MLLT11: variants seen among roughly 807,000 people sequenced by gnomAD.
MLLT11 encodes protein AF1q.
Under a neutral mutation model 5.3 loss-of-function variants are expected in MLLT11, and 1 was observed. The ratio of observed to expected loss-of-function variants is 0.19; its 90% CI spans 0.07 to 0.89. The LOEUF (loss-of-function observed/expected upper bound fraction) is 0.89, where lower values mean the gene tolerates loss of function less well. MLLT11 is among the 40% of genes least tolerant of loss of function. The probability of loss-of-function intolerance (pLI) is 0.67; values close to 1 mark genes in which losing one functional copy is unlikely to be tolerated. For synonymous variants in MLLT11, 38 were observed against 41.7 expected, an observed-to-expected ratio of 0.91 and a Z score of 0.34; for missense variants, 87 against 107.3, an observed-to-expected ratio of 0.81 and a Z score of 0.83.
intron 1 of MLLT11, among the ~76,000 whole-genome samples, chr1:151,062,539 T>C (rs1338647920): frequency 1.3e-5 from 2 of 152,058 alleles, no homozygotes; most frequent in South Asian, 2.1e-4. Context: ...ATTTTTGTAT[T>C]TTTAGTAAAG....
chr1:151,067,362 C>T lies in MLLT11; in HGVS notation c.138C>T (p.Gly46=). 6.2e-7 allele frequency: 1 copy of T among 1,614,134 alleles called. No individual in the cohort carries two copies. The highest frequency in any genetic ancestry group is 8.5e-7 in the Non-Finnish European group (1 of 1,180,028). The change falls in exon 2 of 2, where the codon GGC becomes GGT. Residue 46 remains glycine (G), a synonymous_variant. Transcript: ENST00000368921. The part of the protein sequence containing the change: ...ATYKVKDSSV[G]KMIGQATAAD... ...ACAAGGTCAAAGACAGCAGCGTTGG[C>T]AAAATGATCGGGCAAGCAACTGCAG...
At chr1:151,064,217 C>CA (rs1485625585) in intron 1 of MLLT11, among the ~76,000 whole-genome samples, 1 of 152,160 alleles carries the variant, frequency 6.6e-6, no homozygotes, top group African/African-American at 2.4e-5. Flanking sequence ...GACAGGATTT[C>CA]ACCATGTTGG....
Position 151,067,199 on chromosome 1 carries a change from G to A in MLLT11, c.-6-20G>A, listed in dbSNP as rs1676486739. ...AAGAAGTTGCTGTAGCATGAAGACTGACAAGTGGTTTCTTTCTAGGAAGCT... is the reference window on the plus strand; with the variant it reads ...AAGAAGTTGCTGTAGCATGAAGACTAACAAGTGGTTTCTTTCTAGGAAGCT... On this transcript the variant is annotated intron_variant, in intron 1 of 1. Coordinates refer to ENST00000368921, the MANE Select transcript of MLLT11 (RefSeq NM_006818.4). 6.2e-7 allele frequency: 1 copy of A among 1,607,662 alleles called. No individual in the cohort carries two copies. Among genetic ancestry groups the A allele is most frequent in the Non-Finnish European group, 8.5e-7 (1 of 1,175,876 alleles).
At position 151,067,487 on chromosome 1, in the gene MLLT11, A is replaced by T. The variant is rs1369859063; in HGVS notation, c.263A>T (p.Asp88Val). The T allele has an allele frequency of 1.9e-6, 3 of 1,613,472 alleles. No homozygotes were observed. The Admixed American group carries it at 5.0e-5, about 27-fold the overall frequency. The change falls in exon 2 of 2, where the codon GAC (aspartate) becomes GTC (valine). Residue 88 changes from aspartate to valine, a missense_variant. Transcript: ENST00000368921. The stretch of plus-strand genomic sequence containing the variant: ...GCCAGCATCCACTCCTTCGAACTGG[A>T]CTTGCTCTAAGGCCAAGACTTCTCT... ...PIASIHSFEL[D>V]LL
chr1:151,063,084 C>T (rs1317249541), intron 1 of MLLT11, among the ~76,000 whole-genome samples: 1 of 152,152 alleles, frequency 6.6e-6, no homozygotes, highest in Non-Finnish European at 1.5e-5. Flanking sequence ...TATTTTGGAA[C>T]TTAAACTAAG....
At chr1:151,063,268 G>A (rs1214440307) in intron 1 of MLLT11, among the ~76,000 whole-genome samples, 1 of 152,102 alleles carries the variant, frequency 6.6e-6, no homozygotes, top group Non-Finnish European at 1.5e-5. Flanking sequence ...ACCTATTTAA[G>A]GCCATTATTT....
intron 1 of MLLT11, among the ~76,000 whole-genome samples, chr1:151,064,381 T>A (rs1334562732): frequency 6.6e-6 from 1 of 152,152 alleles, no homozygotes; most frequent in Non-Finnish European, 1.5e-5. Flanking sequence ...GAGAAATGGA[T>A]TGTTAAGGCT....
In MLLT11 at chr1:151,068,397, T is replaced by C. The variant is rs377359213; in HGVS notation, c.*900T>C. On this transcript the variant is annotated 3_prime_UTR_variant, in exon 2 of 2. Transcript: ENST00000368921. Reference sequence around the variant, plus strand: ...ATTGAGACCCTGAAATGAACAATTATATTCTGACTCGACATCTTGTCCCCA... The same window carrying C: ...ATTGAGACCCTGAAATGAACAATTACATTCTGACTCGACATCTTGTCCCCA... The C allele has an allele frequency of 4.6e-4, 103 of 223,780 alleles. No individual in the cohort carries two copies. Among genetic ancestry groups the C allele is most frequent in the African/African-American group, 2.2e-3 (97 of 44,108 alleles). The allele number at this position is 223,780 out of a possible 1,614,324, so 13.9% of individuals were successfully genotyped here. A position where few individuals can be genotyped will look rare whatever the true frequency, so the allele number is the denominator to read the frequency against.
At chr1:151,064,905 A>G (rs1180836623) in intron 1 of MLLT11, among the ~76,000 whole-genome samples, 1 of 152,224 alleles carries the variant, frequency 6.6e-6, no homozygotes, top group African/African-American at 2.4e-5. Context: ...TTTAAAATGA[A>G]GGATAATGGG....
At position 151,067,334 on chromosome 1, in the gene MLLT11, C is replaced by T. The variant is rs1332302342; in HGVS notation, c.110C>T (p.Thr37Ile). Residue 37 changes from threonine (T) to isoleucine (I), a missense_variant, in exon 2 of 2, where the codon ACC becomes ATC. Transcript: ENST00000368921. Reference protein sequence around the residue: ...LEGLGLSDTATYKVKDSSVGK... With the variant: ...LEGLGLSDTAIYKVKDSSVGK... ...GGCCTGGGTCTGTCAGATACAGCCA[C>T]CTACAAGGTCAAAGACAGCAGCGTT... 8 of 1,614,000 alleles carry T rather than the reference C, an allele frequency of 5.0e-6. No individual in the cohort carries two copies. Among genetic ancestry groups the T allele is most frequent in the East Asian group, 4.5e-5 (2 of 44,890 alleles).
At chr1:151,061,310 C>T (rs954004386) in intron 1 of MLLT11, among the ~76,000 whole-genome samples, 1 of 152,148 alleles carries the variant, frequency 6.6e-6, no homozygotes, top group Non-Finnish European at 1.5e-5. Context: ...GTCCTTCCCC[C>T]TTCCCCATGG....
In MLLT11 at chr1:151,067,355, G is replaced by A. The variant is rs777404639; in HGVS notation, c.131G>A (p.Ser44Asn). 6.2e-7 allele frequency: 1 copy of A among 1,614,176 alleles called. No individual in the cohort carries two copies. The highest frequency in any genetic ancestry group is 8.5e-7 in the Non-Finnish European group (1 of 1,180,046). ...DTATYKVKDS[S>N]VGKMIGQATA... is the part of the protein sequence containing the mutation. ...GCCACCTACAAGGTCAAAGACAGCA[G>A]CGTTGGCAAAATGATCGGGCAAGCA... is the stretch of plus-strand genomic sequence containing the variant. The change falls in exon 2 of 2, where the codon AGC (serine) becomes AAC (asparagine). Residue 44 changes from serine (S) to asparagine (N), a missense_variant. Coordinates refer to ENST00000368921, the MANE Select transcript of MLLT11 (RefSeq NM_006818.4).
At chr1:151,063,502 C>T (rs113861174) in intron 1 of MLLT11, among the ~76,000 whole-genome samples, 3,223 of 152,024 alleles carry the variant, frequency 0.021, 102 homozygotes, top group African/African-American at 0.073. Flanking sequence ...CTCAGCTCAC[C>T]GCAAGCTCCG....
chr1:151,067,057 T>TTAC (rs1676484709), intron 1 of MLLT11, 162 bp from the exon 2 acceptor site: 1 of 545,466 alleles, frequency 1.8e-6, no homozygotes, highest in Admixed American at 3.6e-5. Flanking sequence ...AAATTCCTTT[T>TTAC]TACTGGTGGG....
At chr1:151,066,331 G>A (rs1676476388) in intron 1 of MLLT11, among the ~76,000 whole-genome samples, 1 of 152,016 alleles carries the variant, frequency 6.6e-6, no homozygotes, top group Non-Finnish European at 1.5e-5. Flanking sequence ...TAGAGGCAGG[G>A]TTTCCCCATG....
intron 1 of MLLT11, among the ~76,000 whole-genome samples, chr1:151,061,526 G>A (rs1162432627): frequency 6.6e-6 from 1 of 152,210 alleles, no homozygotes; most frequent in Non-Finnish European, 1.5e-5. Context: ...GTGAAGGATA[G>A]TGGGAAGCAT....
In MLLT11 at chr1:151,067,644, T is replaced by C; in HGVS notation, c.*147T>C. The C allele has an allele frequency of 1.1e-6, 1 of 894,830 alleles. No homozygotes were observed. The highest frequency in any genetic ancestry group is 1.7e-6 in the Non-Finnish European group (1 of 575,950). The allele number at this position is 894,830 out of a possible 1,614,324, so 55.4% of individuals were successfully genotyped here. A position where few individuals can be genotyped will look rare whatever the true frequency, so the allele number is the denominator to read the frequency against. ...TCTGCCAGAGTTGAGTTCTATGTAT[T>C]TATTTATCTATCTGTCTACTCCATT... On this transcript the variant is annotated 3_prime_UTR_variant, in exon 2 of 2. Coordinates refer to ENST00000368921, the MANE Select transcript of MLLT11 (RefSeq NM_006818.4).
chr1:151,063,616 G>A (rs1489061487), intron 1 of MLLT11, among the ~76,000 whole-genome samples: 1 of 152,152 alleles, frequency 6.6e-6, no homozygotes, highest in South Asian at 2.1e-4. Flanking sequence ...TAGTAGAGAC[G>A]GGGTTTCACC....
intron 1 of MLLT11, among the ~76,000 whole-genome samples, chr1:151,064,025 T>TTTAC (rs1319825464): frequency 1.1e-4 from 8 of 70,602 alleles, no homozygotes; most frequent in Non-Finnish European, 2.7e-4. Flanking sequence ...TATTTATTTA[T>TTTAC]TATTACTTTT....
Sources: allele counts gnomAD v4.1 joint callset (sites outside exome capture counted in the v4.1 genomes callset), GRCh38; gene constraint gnomAD v4.1.1; transcripts MANE v1.5; gene names NCBI Gene and HGNC (gene_info 2026-07-23, HGNC 2026-07-21).